The following CDK14 variants were observed in gnomAD, a reference collection of about 807,000 sequenced individuals.
CDK14 encodes the protein cyclin dependent kinase 14, also known as cyclin-dependent kinase 14.
CDK14 carries 34 observed loss-of-function variants against 60.7 expected under a neutral mutation model. That is an observed-to-expected ratio of 0.56 (90% CI 0.43 to 0.75). The LOEUF is 0.75. Ranked by LOEUF, CDK14 falls within the 30% of genes least tolerant of loss-of-function variation. The pLI is 0.00. For missense variants in CDK14, 482 were observed against 564.1 expected, an observed-to-expected ratio of 0.85 and a Z score of 1.47; for synonymous variants, 197 against 203.7, an observed-to-expected ratio of 0.97 and a Z score of 0.28.
chr7:91,005,253 C>T lies in CDK14; in HGVS notation c.1041+21012C>T, dbSNP rs540183715. On this transcript the variant is annotated intron_variant, in intron 10 of 14. Coordinates refer to ENST00000380050, the MANE Select transcript of CDK14 (RefSeq NM_001287135.2). ...GCCAGCAGGGAACTGCTGACAAGGGCTGGAAAGCTGGAAGGTGAACACCAC... is the reference window on the plus strand; with the variant it reads ...GCCAGCAGGGAACTGCTGACAAGGGTTGGAAAGCTGGAAGGTGAACACCAC... 2.0e-5 allele frequency among the ~76,000 whole-genome samples: 3 copies of T among 152,234 alleles called. No homozygotes were observed. In the East Asian group the frequency reaches 5.8e-4, roughly 29 times the overall value.
Position 90,645,302 on chromosome 7 carries a change from G to A in CDK14, c.123+41053G>A, listed in dbSNP as rs536453437. On this transcript the variant is annotated intron_variant, in intron 2 of 14. Transcript: ENST00000380050. ...GAAACGGACTTTGGGCCTATGCTTG[G>A]CTTACAATGTTTCAGTCCACAAATG... Among the ~76,000 whole-genome samples, 183 of 152,018 alleles carry A rather than the reference G, an allele frequency of 1.2e-3. 1 individual carries two copies. The highest frequency in any genetic ancestry group is 0.01 in the Middle Eastern group (3 of 294).
At chr7:90,674,471 A>G (rs17690505) in intron 2 of CDK14, among the ~76,000 whole-genome samples, 12,021 of 152,262 alleles carry the variant, frequency 0.079, 504 homozygotes, top group South Asian at 0.1. Flanking sequence ...GTATTAAAAG[A>G]TGAATTTCTG....
intron 3 of CDK14, among the ~76,000 whole-genome samples, chr7:90,742,813 A>AT (rs1447223693): frequency 6.6e-6 from 1 of 151,832 alleles, no homozygotes; most frequent in Non-Finnish European, 1.5e-5. Flanking sequence ...TTCAGCTTTA[A>AT]TTTTTTTATT....
rs1405290516 is a variant in CDK14, at chr7:91,091,331, G to A, written c.1154+11851G>A. Reference sequence around the variant, plus strand: ...ATATATAATTTATGTATACACATATGTGTATACATATATGTGTATATAAAT... The same window carrying A: ...ATATATAATTTATGTATACACATATATGTATACATATATGTGTATATAAAT... On this transcript the variant is annotated intron_variant, in intron 12 of 14. Transcript: ENST00000380050. 3.5e-5 allele frequency among the ~76,000 whole-genome samples: 5 copies of A among 140,956 alleles called. No individual in the cohort carries two copies. In the East Asian group the frequency reaches 6.0e-4, roughly 17 times the overall value. The allele number at this position is 140,956 out of a possible 152,430, so 92.5% of individuals were successfully genotyped here. A position where few individuals can be genotyped will look rare whatever the true frequency, so the allele number is the denominator to read the frequency against.
rs1478706348 is a variant in CDK14 at position 91,140,307 on chromosome 7, G to A, written c.*28+22099G>A. The stretch of plus-strand genomic sequence containing the variant: ...CTTTGGAAAGTTGAAATAAATTTAA[G>A]AGGTGCTTTTTCTGGCCTTGACATT... On this transcript the variant is annotated intron_variant, in intron 14 of 14. Transcript: ENST00000380050. Among the ~76,000 whole-genome samples, 3 of 152,212 alleles carry A rather than the reference G, an allele frequency of 2.0e-5. No homozygotes were observed. In the South Asian group the frequency reaches 6.2e-4, roughly 32 times the overall value.
intron 9 of CDK14, chr7:90,979,273 C>T (rs758470951): frequency 2.6e-5 from 4 of 152,150 alleles, no homozygotes; most frequent in Non-Finnish European, 5.9e-5. Context: ...GACTTCTGCT[C>T]TCTTTTTAGA....
chr7:91,010,843 C>CCTTCTTT (rs1562867352), intron 10 of CDK14, among the ~76,000 whole-genome samples: 2 of 95,158 alleles, frequency 2.1e-5, no homozygotes, highest in Admixed American at 1.0e-4. Flanking sequence ...CTCCCTCCCT[C>CCTTCTTT]CCTCCCTCCC....
intron 6 of CDK14, among the ~76,000 whole-genome samples, chr7:90,868,333 A>G (rs1404664588): frequency 6.6e-6 from 1 of 151,408 alleles, no homozygotes; most frequent in African/African-American, 2.4e-5. Flanking sequence ...ATACATACAC[A>G]CACATTAATG....
At chr7:91,003,541 C>T (rs1795898557) in intron 10 of CDK14, among the ~76,000 whole-genome samples, 1 of 152,158 alleles carries the variant, frequency 6.6e-6, no homozygotes, top group Admixed American at 6.5e-5. Context: ...TGCATGAAGT[C>T]CTTCAGGTTC....
rs1387033887 is a variant in CDK14, at chr7:91,112,546, A to G, written c.1159A>G (p.Ser387Gly). ...CTTTTTTGCTCATGTTTTTAGGCTCAGCTATGTGAACCATGCAGAGGACCT... is the reference window on the plus strand; with the variant it reads ...CTTTTTTGCTCATGTTTTTAGGCTCGGCTATGTGAACCATGCAGAGGACCT... ...KNLRQAWNKL[S>G]YVNHAEDLAS... Residue 387 changes from serine (S) to glycine (G), a missense_variant, in exon 13 of 15, where the codon AGC becomes GGC. By Grantham distance (56) the Ser-to-Gly change is moderately conservative (BLOSUM62 0). Transcript: ENST00000380050. 10 of 1,612,840 alleles carry G rather than the reference A, an allele frequency of 6.2e-6. No individual in the cohort carries two copies. The highest frequency in any genetic ancestry group is 8.5e-6 in the Non-Finnish European group (10 of 1,179,170).
chr7:91,180,483 TAGAA>T (rs72340444), intron 14 of CDK14, among the ~76,000 whole-genome samples: 8,667 of 152,230 alleles, frequency 0.057, 766 homozygotes, highest in African/African-American at 0.2. Context: ...CATACATGCA[TAGAA>T]AGAAGACTGA....
At position 91,099,077 on chromosome 7, in the gene CDK14, A is replaced by G. The variant is rs117077692; in HGVS notation, c.1155-13465A>G. 3.9e-3 allele frequency among the ~76,000 whole-genome samples: 599 copies of G among 152,268 alleles called. 6 individuals carry two copies. The highest frequency in any genetic ancestry group is 0.034 in the East Asian group (174 of 5,188). On this transcript the variant is annotated intron_variant, in intron 12 of 14. Transcript: ENST00000380050. The stretch of plus-strand genomic sequence containing the variant: ...AAGAGCTATTTTTAGTGCTACTTAT[A>G]GTTGAAGGACATACTGTTCCAAAAC...
At chr7:90,931,366 A>C (rs1039243368) in intron 8 of CDK14, among the ~76,000 whole-genome samples, 14 of 152,256 alleles carry the variant, frequency 9.2e-5, no homozygotes, top group African/African-American at 3.4e-4. Flanking sequence ...TAGAATGTGC[A>C]AGTTGGCCCT....
chr7:90,782,497 C>T (rs917461180), intron 4 of CDK14, among the ~76,000 whole-genome samples: 1 of 152,092 alleles, frequency 6.6e-6, no homozygotes, highest in Non-Finnish European at 1.5e-5. Flanking sequence ...TTTACTAATG[C>T]ACAAGTTGTC....
rs372497068 is a variant in CDK14, at chr7:90,728,286, T to C, written c.369+1474T>C. On this transcript the variant is annotated intron_variant, in intron 3 of 14. Transcript: ENST00000380050. ...TTTCTTTCAGTTTCAAAAATTTTCTTATATGTTTATTTAATTTTTTGTAAT... is the reference window on the plus strand; with the variant it reads ...TTTCTTTCAGTTTCAAAAATTTTCTCATATGTTTATTTAATTTTTTGTAAT... Among the ~76,000 whole-genome samples the C allele has an allele frequency of 5.3e-5, 8 of 151,942 alleles. No homozygotes were observed. The East Asian group carries it at 1.2e-3, about 22-fold the overall frequency.
At chr7:91,110,862 C>T (rs1456627521) in intron 12 of CDK14, among the ~76,000 whole-genome samples, 1 of 152,078 alleles carries the variant, frequency 6.6e-6, no homozygotes, top group Non-Finnish European at 1.5e-5. Context: ...TAACTTTTAA[C>T]CATGAAGCCT....
chr7:90,742,579 T>A (rs117372470), intron 3 of CDK14, among the ~76,000 whole-genome samples: 2,203 of 152,122 alleles, frequency 0.014, 21 homozygotes, highest in Middle Eastern at 0.027. Flanking sequence ...TCTTTTATTG[T>A]CTTTATTAAT....
At chr7:91,095,180 C>G (rs1432594387) in intron 12 of CDK14, among the ~76,000 whole-genome samples, 1 of 152,210 alleles carries the variant, frequency 6.6e-6, no homozygotes, top group East Asian at 1.9e-4. Context: ...TGAAAAAGAG[C>G]ACTGGCAGCC....
intron 2 of CDK14, among the ~76,000 whole-genome samples, chr7:90,651,140 T>C (rs1333500962): frequency 6.6e-6 from 1 of 152,218 alleles, no homozygotes; most frequent in Admixed American, 6.5e-5. Flanking sequence ...CATTGAGCAG[T>C]GGTTTGTAGT....
Sources: allele counts gnomAD v4.1 joint callset (sites outside exome capture counted in the v4.1 genomes callset), GRCh38; gene constraint gnomAD v4.1.1; transcripts MANE v1.5; gene names NCBI Gene and HGNC (gene_info 2026-07-23, HGNC 2026-07-21).